The following CBLB variants were observed in gnomAD, a reference collection of about 807,000 sequenced individuals.
CBLB encodes Cbl proto-oncogene B, also known as E3 ubiquitin-protein ligase CBL-B.
A neutral mutation model predicts 104.9 loss-of-function variants in CBLB; 31 were observed. The observed-to-expected ratio is 0.30, with a 90% CI of 0.22 to 0.40. The LOEUF is 0.40. Ranked by LOEUF, CBLB falls within the 10% of genes least tolerant of loss-of-function variation. The pLI, the probability that CBLB is intolerant of heterozygous loss-of-function variation, is 1.00. For synonymous variants in CBLB, 440 were observed against 422.6 expected (o/e 1.04, Z -0.51); for missense variants, 1,062 against 1,214.6 (o/e 0.87, Z 1.87).
intron 2 of CBLB, among the ~76,000 whole-genome samples, chr3:105,863,751 T>C (rs1220156273): frequency 1.3e-5 from 2 of 152,202 alleles, no homozygotes; most frequent in Non-Finnish European, 2.9e-5. Flanking sequence ...GCATCATCAC[T>C]TCCTAAATGC....
chr3:105,806,252 T>C (rs936251846), intron 3 of CBLB, among the ~76,000 whole-genome samples: 6 of 152,148 alleles, frequency 3.9e-5, no homozygotes, highest in South Asian at 2.1e-4. Flanking sequence ...TCATTACATA[T>C]AGTATGTGTT....
chr3:105,793,867 A>G (rs1346992808), intron 3 of CBLB, among the ~76,000 whole-genome samples: 1 of 145,544 alleles, frequency 6.9e-6, no homozygotes, highest in Non-Finnish European at 1.5e-5. Context: ...AAAAAGGGTG[A>G]CAAAGAAGCT....
chr3:105,772,113 G>A (rs1184416290), intron 4 of CBLB, among the ~76,000 whole-genome samples: 6 of 152,120 alleles, frequency 3.9e-5, no homozygotes, highest in Admixed American at 6.5e-5. Context: ...CACACTATCT[G>A]ACCTCAAATT....
rs140431044 is a variant in CBLB at position 105,659,545 on chromosome 3, T to C, written c.2690-316A>G. ...AAGGAAAAAATAATTAAAATAACTA[T>C]CTAAAAAGGGAAGCCTTTCACTTTG... On this transcript the variant is annotated intron_variant, in intron 18 of 18. Transcript: ENST00000394030. 7.1e-3 allele frequency among the ~76,000 whole-genome samples: 1,084 copies of C among 152,236 alleles called. 18 individuals are homozygous for C. The highest frequency in any genetic ancestry group is 0.024 in the African/African-American group (1,011 of 41,550).
chr3:105,662,588 A>G (rs1263329558), intron 18 of CBLB, among the ~76,000 whole-genome samples: 1 of 152,244 alleles, frequency 6.6e-6, no homozygotes, highest in African/African-American at 2.4e-5. Flanking sequence ...CAATTTTCTT[A>G]AAAGATATAA....
intron 9 of CBLB, among the ~76,000 whole-genome samples, chr3:105,730,642 T>C (rs779056492): frequency 3.3e-4 from 50 of 152,060 alleles, no homozygotes; most frequent in African/African-American, 7.5e-4. Flanking sequence ...CAGAAACATA[T>C]ACAAAATGTA....
chr3:105,733,861 T>C lies in CBLB; in HGVS notation c.1203+148A>G. On this transcript the variant is annotated intron_variant, in intron 9 of 18. Transcript: ENST00000394030. The stretch of plus-strand genomic sequence containing the variant: ...TATAAGATAGTTAAAAATCAAATTA[T>C]ATATAGCAACTCAAACATATAAAAT... 3 of 646,884 alleles carry C rather than the reference T, an allele frequency of 4.6e-6. No individual in the cohort carries two copies. The South Asian group carries it at 5.9e-5, about 13-fold the overall frequency. The allele number at this position is 646,884 out of a possible 1,614,324, so 40.1% of individuals were successfully genotyped here. A position where few individuals can be genotyped will look rare whatever the true frequency, so the allele number is the denominator to read the frequency against.
At chr3:105,738,821 GGAAAAA>G (rs1448572538) in intron 7 of CBLB, among the ~76,000 whole-genome samples, 1 of 151,924 alleles carries the variant, frequency 6.6e-6, no homozygotes, top group Admixed American at 6.6e-5. Flanking sequence ...AAAATTAGAA[GGAAAAA>G]GAAAGAGAAA....
intron 10 of CBLB, among the ~76,000 whole-genome samples, chr3:105,709,702 A>G (rs116651646): frequency 0.013 from 2,006 of 152,078 alleles, 42 homozygotes; most frequent in African/African-American, 0.046. Flanking sequence ...AGTATCATAA[A>G]GAAATCTTTA....
chr3:105,691,169 C>T (rs1559836608), intron 13 of CBLB, among the ~76,000 whole-genome samples: 1 of 152,136 alleles, frequency 6.6e-6, no homozygotes, highest in Non-Finnish European at 1.5e-5. Context: ...AACTGCTACC[C>T]ACAGAGTCAG....
At chr3:105,748,580 C>T (rs1413074374) in intron 5 of CBLB, among the ~76,000 whole-genome samples, 2 of 152,080 alleles carry the variant, frequency 1.3e-5, no homozygotes, top group Non-Finnish European at 2.9e-5. Context: ...TAATTTCTTT[C>T]CAGGACTAAT....
In CBLB at chr3:105,655,470, C is replaced by T. The variant is rs1325649756; in HGVS notation, c.*3500G>A. 2.3e-5 allele frequency: 4 copies of T among 171,000 alleles called. No homozygotes were observed. Among genetic ancestry groups the T allele is most frequent in the Non-Finnish European group, 3.8e-5 (3 of 79,198 alleles). 10.6% of individuals were successfully genotyped at this position (171,000 alleles called of 1,614,324 possible). A position where few individuals can be genotyped will look rare whatever the true frequency, so the allele number is the denominator to read the frequency against. On this transcript the variant is annotated 3_prime_UTR_variant, in exon 19 of 19. Transcript: ENST00000394030. ...AAGTACCAACTCTGCATTTAGTTAACGTTCATTTTATAAAATACTTTAAAA... is the reference window on the plus strand; with the variant it reads ...AAGTACCAACTCTGCATTTAGTTAATGTTCATTTTATAAAATACTTTAAAA...
rs1210445279 is a variant in CBLB, at chr3:105,853,571, T to C, written c.262A>G (p.Ile88Val). The C allele has an allele frequency of 6.2e-7, 1 of 1,612,998 alleles. No homozygotes were observed. The highest frequency in any genetic ancestry group is 2.2e-5 in the East Asian group (1 of 44,804). ...TGGTTGTCATCATATTTACTCAATA[T>C]AAGTCGTAAATGCTGATATGTATCA... ...LPDTYQHLRL[I>V]LSKYDDNQKL... The change falls in exon 3 of 19, where the codon ATA becomes GTA. Residue 88 changes from isoleucine (I) to valine (V), a missense_variant. Physicochemically the swap from Ile to Val is conservative, Grantham distance 29 (BLOSUM62 3). Transcript: ENST00000394030.
intron 2 of CBLB, among the ~76,000 whole-genome samples, chr3:105,857,985 G>A (rs2091772925): frequency 6.6e-6 from 1 of 152,198 alleles, no homozygotes; most frequent in African/African-American, 2.4e-5. Context: ...AGGCAAAGGA[G>A]TGTGCTAAGG....
At chr3:105,666,545 G>A (rs965421089) in intron 18 of CBLB, among the ~76,000 whole-genome samples, 5 of 152,114 alleles carry the variant, frequency 3.3e-5, no homozygotes, top group African/African-American at 1.2e-4. Flanking sequence ...AATTAGCCGG[G>A]CATGATGGTG....
intron 3 of CBLB, among the ~76,000 whole-genome samples, chr3:105,806,552 C>T (rs1490649536): frequency 1.3e-5 from 2 of 149,214 alleles, no homozygotes; most frequent in African/African-American, 4.9e-5. Context: ...TTTTAAAGGT[C>T]ACAAAGATAT....
intron 3 of CBLB, among the ~76,000 whole-genome samples, chr3:105,819,493 A>C (rs1024987223): frequency 6.6e-6 from 1 of 152,082 alleles, no homozygotes; most frequent in Non-Finnish European, 1.5e-5. Flanking sequence ...CCTCTCAAAA[A>C]AAAAAAAAGA....
chr3:105,681,365 T>G (rs772075547), intron 16 of CBLB, 114 bp downstream of exon 16: 1 of 1,089,624 alleles, frequency 9.2e-7, no homozygotes, highest in Non-Finnish European at 1.4e-6. Flanking sequence ...CATTCAAATT[T>G]CAGGCAAATT....
At chr3:105,700,704 T>A (rs183825367) in intron 12 of CBLB, among the ~76,000 whole-genome samples, 6 of 152,256 alleles carry the variant, frequency 3.9e-5, no homozygotes, top group Admixed American at 3.9e-4. Context: ...CCAAGGTGAG[T>A]CACCAGCAAA....
Sources: allele counts gnomAD v4.1 joint callset (sites outside exome capture counted in the v4.1 genomes callset), GRCh38; gene constraint gnomAD v4.1.1; transcripts MANE v1.5; gene names NCBI Gene and HGNC (gene_info 2026-07-23, HGNC 2026-07-21).